BRINP3: variants seen among roughly 807,000 people sequenced by gnomAD.
BRINP3 encodes the protein BMP/retinoic acid inducible neural specific 3.
BRINP3 carries 19 observed loss-of-function variants against 71.0 expected under a neutral mutation model. The ratio of observed to expected loss-of-function variants is 0.27; its 90% CI spans 0.19 to 0.39. The LOEUF (loss-of-function observed/expected upper bound fraction) is 0.39. BRINP3 is among the 10% of genes least tolerant of loss of function. The probability of loss-of-function intolerance (pLI) is 1.00; values close to 1 mark genes in which losing one functional copy is unlikely to be tolerated. For synonymous variants in BRINP3, 380 were observed against 337.7 expected (o/e 1.13, Z -1.37); for missense variants, 959 against 940.8 (o/e 1.02, Z -0.25).
chr1:190,265,736 T>C (rs777270930), intron 3 of BRINP3, among the ~76,000 whole-genome samples: 2 of 151,324 alleles, frequency 1.3e-5, no homozygotes, highest in Non-Finnish European at 2.9e-5. Flanking sequence ...AATAAATAAA[T>C]AAAAAGAAAG....
chr1:190,268,703 T>C (rs1438196844), intron 3 of BRINP3, among the ~76,000 whole-genome samples: 3 of 151,988 alleles, frequency 2.0e-5, no homozygotes, highest in Admixed American at 6.6e-5. Flanking sequence ...CAAAACTTAG[T>C]AAGGTACAAG....
chr1:190,183,202 C>T (rs1184166842), intron 6 of BRINP3, among the ~76,000 whole-genome samples: 1 of 152,008 alleles, frequency 6.6e-6, no homozygotes, highest in East Asian at 1.9e-4. Flanking sequence ...ATAATTCTAG[C>T]AACTGTATTA....
chr1:190,315,355 C>A (rs1185140464), intron 2 of BRINP3, among the ~76,000 whole-genome samples: 1 of 151,952 alleles, frequency 6.6e-6, no homozygotes, highest in Non-Finnish European at 1.5e-5. Flanking sequence ...GGAAATTCGA[C>A]CTAGTGGAAT....
chr1:190,139,894 C>T (rs1416569531), intron 7 of BRINP3, among the ~76,000 whole-genome samples: 1 of 152,166 alleles, frequency 6.6e-6, no homozygotes, highest in Non-Finnish European at 1.5e-5. Context: ...CATGAGTAAA[C>T]CACAATCCTT....
At chr1:190,390,854 T>G (rs1305390872) in intron 2 of BRINP3, among the ~76,000 whole-genome samples, 1 of 151,824 alleles carries the variant, frequency 6.6e-6, no homozygotes, top group Non-Finnish European at 1.5e-5. Context: ...GCAAAAAGAC[T>G]TGGCAGTTAG....
At chr1:190,236,042 A>C (rs1658485927) in intron 4 of BRINP3, among the ~76,000 whole-genome samples, 1 of 151,982 alleles carries the variant, frequency 6.6e-6, no homozygotes, top group South Asian at 2.1e-4. Flanking sequence ...AGGAAACATA[A>C]GGAGAAACTT....
intron 1 of BRINP3, among the ~76,000 whole-genome samples, chr1:190,464,330 C>G (rs965766292): frequency 6.6e-6 from 1 of 151,630 alleles, no homozygotes; most frequent in Non-Finnish European, 1.5e-5. Context: ...TTAATAACTA[C>G]CTTAAATTTT....
chr1:190,367,165 G>T (rs187872680), intron 2 of BRINP3, among the ~76,000 whole-genome samples: 157 of 152,296 alleles, frequency 1.0e-3, no homozygotes, highest in Non-Finnish European at 2.0e-3. Flanking sequence ...TTCCACCCAT[G>T]TAGAACACTT....
At chr1:190,155,399 A>T (rs1046268431) in intron 7 of BRINP3, among the ~76,000 whole-genome samples, 1 of 152,076 alleles carries the variant, frequency 6.6e-6, no homozygotes, top group Non-Finnish European at 1.5e-5. Flanking sequence ...TGGTAGATTG[A>T]TATTGACTGT....
chr1:190,273,050 T>C (rs980172496), intron 3 of BRINP3, among the ~76,000 whole-genome samples: 1 of 126,436 alleles, frequency 7.9e-6, no homozygotes, highest in South Asian at 2.5e-4. Context: ...CTGTAAGAGA[T>C]CTGTTTTTTT....
chr1:190,301,234 T>TATATATATAC (rs1268377492), intron 2 of BRINP3, among the ~76,000 whole-genome samples: 108 of 123,374 alleles, frequency 8.8e-4, no homozygotes, highest in African/African-American at 1.3e-3. Flanking sequence ...TATATATATA[T>TATATATATAC]ACACACATAC....
At position 190,438,549 on chromosome 1, in the gene BRINP3, G is replaced by T. The variant is rs532457958; in HGVS notation, c.236+16106C>A. Among the ~76,000 whole-genome samples the T allele has an allele frequency of 3.3e-5, 5 of 151,924 alleles. No individual in the cohort carries two copies. In the East Asian group the frequency reaches 7.7e-4, roughly 24 times the overall value. ...TCATGAAGCTTGACTTGTAGCTTAT[G>T]CTGACTTTGAGGATGTTTTATATGA... On this transcript the variant is annotated intron_variant, in intron 2 of 7. Coordinates refer to ENST00000367462, the MANE Select transcript of BRINP3 (RefSeq NM_199051.3).
chr1:190,232,545 G>A (rs899122676), intron 5 of BRINP3, among the ~76,000 whole-genome samples: 2 of 151,730 alleles, frequency 1.3e-5, no homozygotes, highest in African/African-American at 4.9e-5. Flanking sequence ...TAAAAATACA[G>A]ACATGGAAAA....
intron 6 of BRINP3, among the ~76,000 whole-genome samples, chr1:190,221,084 G>A (rs566532227): frequency 2.0e-5 from 3 of 152,230 alleles, no homozygotes; most frequent in African/African-American, 7.2e-5. Context: ...CGGGCATGGT[G>A]GCAGATGCCT....
At chr1:190,345,715 G>GAAAA (rs10664849) in intron 2 of BRINP3, among the ~76,000 whole-genome samples, 3,330 of 103,512 alleles carry the variant, frequency 0.032, 246 homozygotes, top group East Asian at 0.27. Flanking sequence ...TTTACCTTCA[G>GAAAA]AAAAAAAAAA....
At chr1:190,114,064 G>A (rs982556849) in intron 7 of BRINP3, among the ~76,000 whole-genome samples, 1 of 152,112 alleles carries the variant, frequency 6.6e-6, no homozygotes, top group Non-Finnish European at 1.5e-5. Context: ...TCAGTGTTAG[G>A]GTTGGGGCCT....
At chr1:190,385,113 A>T (rs2102272485) in intron 2 of BRINP3, among the ~76,000 whole-genome samples, 1 of 152,274 alleles carries the variant, frequency 6.6e-6, no homozygotes, top group South Asian at 2.1e-4. Flanking sequence ...GTTAGACCTA[A>T]AACCATAAAA....
chr1:190,229,980 A>G (rs1212326213), intron 5 of BRINP3, among the ~76,000 whole-genome samples: 1 of 152,016 alleles, frequency 6.6e-6, no homozygotes, highest in Non-Finnish European at 1.5e-5. Flanking sequence ...ACTAGAAATT[A>G]TAAAGAAAAA....
chr1:190,102,552 A>G (rs549577213), intron 7 of BRINP3, among the ~76,000 whole-genome samples: 2 of 152,200 alleles, frequency 1.3e-5, no homozygotes, highest in East Asian at 1.9e-4. Context: ...ACAGGTGGCA[A>G]TATCCCTGAC....
Sources: gnomAD v4.1 joint callset for allele counts (sites outside exome capture counted in the v4.1 genomes callset) on GRCh38, gnomAD v4.1.1 for gene constraint, MANE v1.5 for transcripts, NCBI Gene and HGNC (gene_info 2026-07-23, HGNC 2026-07-21) for gene names.